Variants in SMC1A observed in about 807,000 individuals in gnomAD.
The protein encoded by SMC1A is structural maintenance of chromosomes protein 1A.
Under a neutral mutation model 94.5 loss-of-function variants are expected in SMC1A, and 4 were observed. That is an observed-to-expected ratio of 0.04 (90% CI 0.02 to 0.10). SMC1A has a LOEUF of 0.10. Ranked by LOEUF, SMC1A falls within the 10% of genes least tolerant of loss-of-function variation. The pLI is 1.00. For synonymous variants in SMC1A, 345 were observed against 347.7 expected (o/e 0.99, Z 0.09); for missense variants, 304 against 989.0 (o/e 0.31, Z 9.29).
At chrX:53,380,977 C>A in intron 23 of SMC1A, 41 bp downstream of exon 23, 1 of 1,123,182 alleles carries the variant, frequency 8.9e-7, no homozygotes, top group South Asian at 1.8e-5. Flanking sequence ...CAACCCCGAC[C>A]TGGGGGCATC....
chrX:53,395,427 T>A (rs1286869923), intron 18 of SMC1A, among the ~76,000 whole-genome samples: 2 of 112,490 alleles, frequency 1.8e-5, no homozygotes, highest in African/African-American at 3.2e-5. Flanking sequence ...CATTCTCAGA[T>A]CCTGAGTCTC....
chrX:53,405,954 G>A lies in SMC1A; in HGVS notation c.1548C>T (p.Tyr516=), dbSNP rs782547781. The A allele has an allele frequency of 2.2e-5, 27 of 1,208,292 alleles. No homozygotes were observed. Among genetic ancestry groups the A allele is most frequent in the South Asian group, 5.3e-5 (3 of 56,765 alleles). ...SIKRLYPGSV[Y]GRLIDLCQPT... is the part of the protein sequence containing the mutation. ...GCTGGCATAGGTCAATGAGGCGGCC[G>A]TACTGAGTAAAGTAGGAAGGGAAAA... Residue 516 remains tyrosine, a splice_region_variant and synonymous_variant, in exon 10 of 25, where the codon TAC becomes TAT. Transcript: ENST00000322213.
intron 1 of SMC1A, among the ~76,000 whole-genome samples, chrX:53,421,707 TTC>T (rs1438238111): frequency 2.7e-5 from 3 of 112,533 alleles, no homozygotes; most frequent in African/African-American, 9.7e-5. Flanking sequence ...TCTCCTTATC[TTC>T]TTTCCCCTCT....
At chrX:53,391,456 G>A (rs1602403128) in intron 19 of SMC1A, among the ~76,000 whole-genome samples, 1 of 98,108 alleles carries the variant, frequency 1.0e-5, no homozygotes, top group East Asian at 3.4e-4. Flanking sequence ...TTGTCTCCAC[G>A]TTAAAAAAAA....
At chrX:53,396,050 C>T (rs1201059668) in intron 18 of SMC1A, among the ~76,000 whole-genome samples, 177 bp downstream of exon 18, 3 of 111,262 alleles carry the variant, frequency 2.7e-5, no homozygotes, top group Non-Finnish European at 3.8e-5. Context: ...TATTACCTTT[C>T]GCCTCACCTG....
chrX:53,381,175 G>GCGA, intron 22 of SMC1A, 88 bp from the exon 23 acceptor site: 6 of 557,708 alleles, frequency 1.1e-5, no homozygotes, highest in Admixed American at 2.8e-5. Context: ...CATCAAACAG[G>GCGA]CCAGCTTCCC....
chrX:53,382,663 GC>G lies in SMC1A; in HGVS notation c.3131-4del, dbSNP rs781881228. On this transcript the variant is annotated splice_polypyrimidine_tract_variant and splice_region_variant and intron_variant, in intron 20 of 24. Transcript: ENST00000322213. Reference sequence around the variant, plus strand: ...TCGCTTTCGGGCTGCTTCAAACTCTGCCAGAAAGAAAGACAGGAGACCCCTC... The same window carrying G: ...TCGCTTTCGGGCTGCTTCAAACTCTGCAGAAAGAAAGACAGGAGACCCCTC... 2 of 1,209,354 alleles carry G rather than the reference GC, an allele frequency of 1.7e-6. No homozygotes were observed. Among genetic ancestry groups the G allele is most frequent in the Non-Finnish European group, 1.1e-6 (1 of 895,062 alleles).
intron 16 of SMC1A, among the ~76,000 whole-genome samples, chrX:53,397,559 C>T (rs1159912105): frequency 4.1e-5 from 4 of 97,649 alleles, no homozygotes; most frequent in African/African-American, 1.6e-4. Context: ...CTAAACAGGG[C>T]GACAGGGCGA....
chrX:53,421,002 G>A (rs1435337105), intron 1 of SMC1A, among the ~76,000 whole-genome samples: 3 of 111,438 alleles, frequency 2.7e-5, no homozygotes, highest in Admixed American at 9.6e-5. Flanking sequence ...TTGTAGAGGT[G>A]GGCCTTGAAG....
intron 19 of SMC1A, among the ~76,000 whole-genome samples, chrX:53,386,486 C>T (rs782044048): frequency 4.5e-5 from 5 of 111,663 alleles, no homozygotes; most frequent in Admixed American, 9.6e-5. Context: ...TATGAAATTA[C>T]GATTAGGTAA....
At chrX:53,414,639 A>C in intron 3 of SMC1A, 119 bp downstream of exon 3, 1 of 544,445 alleles carries the variant, frequency 1.8e-6, no homozygotes, top group Non-Finnish European at 3.3e-6. Context: ...AAGCTCAGTG[A>C]ACAAGGTGCT....
intron 23 of SMC1A, 70 bp from the exon 24 acceptor site, chrX:53,380,800 A>T: frequency 1.2e-6 from 1 of 805,568 alleles, no homozygotes; most frequent in Non-Finnish European, 1.9e-6. Context: ...TCCAGCCACA[A>T]CCAGAAGGCA....
rs1393732071 is a variant in SMC1A, at chrX:53,375,053, A to C, written c.*5050T>G. The C allele has an allele frequency of 8.9e-6, 1 of 112,522 alleles. No homozygotes were observed. The highest frequency in any genetic ancestry group is 1.9e-5 in the Non-Finnish European group (1 of 53,321). 9.3% of individuals were successfully genotyped at this position (112,522 alleles called of 1,213,427 possible). A position where few individuals can be genotyped will look rare whatever the true frequency, so the allele number is the denominator to read the frequency against. On this transcript the variant is annotated 3_prime_UTR_variant, in exon 25 of 25. Coordinates refer to ENST00000322213, the MANE Select transcript of SMC1A (RefSeq NM_006306.4). ...TGCCCTTGAACCAGACACTATCCACATCTAGCTATCTGTGGCCAGGATTGT... is the reference window on the plus strand; with the variant it reads ...TGCCCTTGAACCAGACACTATCCACCTCTAGCTATCTGTGGCCAGGATTGT...
At position 53,383,267 on chromosome X, in the gene SMC1A, G is replaced by A. The variant is rs1556886142; in HGVS notation, c.2974-14C>T. ...AGCCTGGGCATCCTGTAAGCCCCAG[G>A]CCCAGCAATGTCAAGAAGGGCCTGG... On this transcript the variant is annotated splice_polypyrimidine_tract_variant and intron_variant, in intron 19 of 24. Coordinates refer to ENST00000322213, the MANE Select transcript of SMC1A (RefSeq NM_006306.4). 2 of 1,164,775 alleles carry A rather than the reference G, an allele frequency of 1.7e-6. No homozygotes were observed. The highest frequency in any genetic ancestry group is 2.9e-4 in the Middle Eastern group (1 of 3,400).
rs1556890831 is a variant in SMC1A at position 53,413,346 on chromosome X, C to T, written c.501G>A (p.Glu167=). The part of the protein sequence containing the change: ...EISRSGELAQ[E]YDKRKKEMVK... ...CCATTTCCTTCTTTCGCTTGTCATA[C>T]TCCTGCGCCAGCTCCCCAGAACGAC... Residue 167 remains glutamate (E), a synonymous_variant, in exon 4 of 25, where the codon GAG becomes GAA. Transcript: ENST00000322213. 3 of 1,211,674 alleles carry T rather than the reference C, an allele frequency of 2.5e-6. No individual in the cohort carries two copies. The highest frequency in any genetic ancestry group is 3.4e-6 in the Non-Finnish European group (3 of 895,359).
chrX:53,409,521 C>A lies in SMC1A; in HGVS notation c.1255-18G>T, dbSNP rs1556890220. The A allele has an allele frequency of 8.5e-7, 1 of 1,180,741 alleles. No individual in the cohort carries two copies. Among genetic ancestry groups the A allele is most frequent in the Non-Finnish European group, 1.2e-6 (1 of 867,422 alleles). The stretch of plus-strand genomic sequence containing the variant: ...ATCTTGGCCTGGGAAACAAACATTC[C>A]ATCATCAGGGGCTGCACGAGTTTAC... On this transcript the variant is annotated intron_variant, in intron 7 of 24. Transcript: ENST00000322213.
Position 53,383,230 on chromosome X carries a change from G to T in SMC1A, c.2997C>A (p.Ile999=), listed in dbSNP as rs782170689. The T allele has an allele frequency of 8.5e-7, 1 of 1,176,082 alleles. No homozygotes were observed. The highest frequency in any genetic ancestry group is 3.1e-5 in the East Asian group (1 of 32,100). The stretch of plus-strand genomic sequence containing the variant: ...GCTGCAGTGTGTTCATCTCTTGCTT[G>T]ATCTCTTCCTCAGCCTGGGCATCCT... ...DLKDAQAEEE[I]KQEMNTLQQK... Residue 999 remains isoleucine (I), a synonymous_variant, in exon 20 of 25, where the codon ATC becomes ATA. Coordinates refer to ENST00000322213, the MANE Select transcript of SMC1A (RefSeq NM_006306.4).
Position 53,380,020 on chromosome X carries a change from G to C in SMC1A, c.*83C>G, listed in dbSNP as rs1341530033. On this transcript the variant is annotated 3_prime_UTR_variant, in exon 25 of 25. Coordinates refer to ENST00000322213, the MANE Select transcript of SMC1A (RefSeq NM_006306.4). ...TACACCAAAAAGGGCCAGGAGGTAGGGGGAAGGTTGGGAGTCAAATATCCA... is the reference window on the plus strand; with the variant it reads ...TACACCAAAAAGGGCCAGGAGGTAGCGGGAAGGTTGGGAGTCAAATATCCA... The C allele has an allele frequency of 2.2e-4, 146 of 673,518 alleles. No homozygotes were observed. The highest frequency in any genetic ancestry group is 2.9e-4 in the Non-Finnish European group (122 of 414,302). The allele number at this position is 673,518 out of a possible 1,213,427, so 55.5% of individuals were successfully genotyped here. A position where few individuals can be genotyped will look rare whatever the true frequency, so the allele number is the denominator to read the frequency against.
chrX:53,408,862 A>G (rs1212310464), intron 9 of SMC1A, among the ~76,000 whole-genome samples, 200 bp downstream of exon 9: 1 of 84,696 alleles, frequency 1.2e-5, no homozygotes, highest in Non-Finnish European at 2.4e-5. Context: ...AAAAAAAAAA[A>G]GAACATGAGC....
Sources: gnomAD v4.1 joint callset for allele counts (sites outside exome capture counted in the v4.1 genomes callset) on GRCh38, gnomAD v4.1.1 for gene constraint, MANE v1.5 for transcripts, NCBI Gene and HGNC (gene_info 2026-07-23, HGNC 2026-07-21) for gene names.